The following FRMD3 variants were observed in gnomAD, a reference collection of about 807,000 sequenced individuals.
FRMD3 encodes FERM domain-containing protein 3.
Under a neutral mutation model 70.2 loss-of-function variants are expected in FRMD3, and 33 were observed. The ratio of observed to expected loss-of-function variants is 0.47; its 90% CI spans 0.36 to 0.63. The LOEUF (loss-of-function observed/expected upper bound fraction) is 0.63, where lower values mean the gene tolerates loss of function less well. Ranked by LOEUF, FRMD3 falls within the 20% of genes least tolerant of loss-of-function variation. FRMD3 has a pLI of 0.00. For synonymous variants in FRMD3, 279 were observed against 255.9 expected (o/e 1.09, Z -0.86); for missense variants, 632 against 711.4 (o/e 0.89, Z 1.27).
At chr9:83,306,607 T>TC (rs1329684237) in intron 10 of FRMD3, among the ~76,000 whole-genome samples, 1 of 152,172 alleles carries the variant, frequency 6.6e-6, no homozygotes, top group African/African-American at 2.4e-5. Flanking sequence ...TCTTTTTTTT[T>TC]CATTTCCCCC....
At chr9:83,584,139 T>C in the FRMD3 span, among the ~76,000 whole-genome samples, 3 of 151,858 alleles carry the variant, frequency 2.0e-5, no homozygotes, top group African/African-American at 7.3e-5. Context: ...ATCGAGACCA[T>C]CTTGGCCAAC....
rs1832126505 is a variant in FRMD3, at chr9:83,246,774, C to T, written c.*1144G>A. Reference sequence around the variant, plus strand: ...GATCAAAATATTTACCTTAAAGTTTCTCCACTTTTATTTAGATCCACTTAA... The same window carrying T: ...GATCAAAATATTTACCTTAAAGTTTTTCCACTTTTATTTAGATCCACTTAA... On this transcript the variant is annotated 3_prime_UTR_variant, in exon 14 of 14. Coordinates refer to ENST00000304195, the MANE Select transcript of FRMD3 (RefSeq NM_174938.6). 2.0e-6 allele frequency: 2 copies of T among 985,158 alleles called. No homozygotes were observed. The highest frequency in any genetic ancestry group is 6.2e-5 in the Admixed American group (1 of 16,250). 61.0% of individuals were successfully genotyped at this position (985,158 alleles called of 1,614,324 possible). A position where few individuals can be genotyped will look rare whatever the true frequency, so the allele number is the denominator to read the frequency against.
At chr9:83,495,216 G>A (rs1049947762) in intron 1 of FRMD3, among the ~76,000 whole-genome samples, 1 of 152,136 alleles carries the variant, frequency 6.6e-6, no homozygotes, top group Admixed American at 6.5e-5. Flanking sequence ...GAGGGGAGGA[G>A]GAAATTCAGG....
In FRMD3 at chr9:83,311,922, G is replaced by C. The variant is rs1385961155; in HGVS notation, c.738C>G (p.Val246=). Residue 246 remains valine, a synonymous_variant, in exon 8 of 14, where the codon GTC becomes GTG. Coordinates refer to ENST00000304195, the MANE Select transcript of FRMD3 (RefSeq NM_174938.6). ...AATGGATTCTCTTATTTCCCTGAAA[G>C]ACCACAAAGCCTGCAGCTGTGAATC... ...FLGFTAAGFV[V]FQGNKRIHLI... 2 of 1,607,578 alleles carry C rather than the reference G, an allele frequency of 1.2e-6. No homozygotes were observed. Among genetic ancestry groups the C allele is most frequent in the African/African-American group, 2.7e-5 (2 of 73,670 alleles).
intron 7 of FRMD3, 144 bp from the exon 8 acceptor site, chr9:83,312,119 G>A: frequency 1.5e-6 from 1 of 653,166 alleles, no homozygotes; most frequent in South Asian, 2.1e-5. Flanking sequence ...AAGTTTCTGA[G>A]ATGGAACTTC....
intron 1 of FRMD3, among the ~76,000 whole-genome samples, chr9:83,447,114 C>T (rs1167804156): frequency 6.6e-6 from 1 of 152,268 alleles, no homozygotes; most frequent in Non-Finnish European, 1.5e-5. Context: ...AGCTCTGCCT[C>T]CCTGGTTCAA....
At chr9:83,510,447 C>T (rs1209160154) in intron 1 of FRMD3, among the ~76,000 whole-genome samples, 1 of 152,180 alleles carries the variant, frequency 6.6e-6, no homozygotes, top group Admixed American at 6.5e-5. Flanking sequence ...CATGGTGCAG[C>T]TGCTCTAGAA....
intron 3 of FRMD3, among the ~76,000 whole-genome samples, chr9:83,356,127 G>A (rs763568562): frequency 1.3e-5 from 2 of 152,144 alleles, no homozygotes; most frequent in Non-Finnish European, 2.9e-5. Context: ...GCCCAGAAAT[G>A]GAGTTGATAG....
intron 2 of FRMD3, among the ~76,000 whole-genome samples, chr9:83,375,634 C>A (rs1368744530): frequency 6.6e-6 from 1 of 152,134 alleles, no homozygotes; most frequent in Non-Finnish European, 1.5e-5. Flanking sequence ...ATACCAATAC[C>A]ACATGTTCTC....
intron 1 of FRMD3, among the ~76,000 whole-genome samples, chr9:83,432,554 T>C (rs1827013186): frequency 6.6e-6 from 1 of 152,146 alleles, no homozygotes; most frequent in African/African-American, 2.4e-5. Context: ...CCACAGAAAA[T>C]GTCACCACTG....
At chr9:83,376,591 C>T (rs1003934401) in intron 2 of FRMD3, among the ~76,000 whole-genome samples, 2 of 150,556 alleles carry the variant, frequency 1.3e-5, no homozygotes, top group Non-Finnish European at 3.0e-5. Context: ...ACAGTTCCAA[C>T]ATTAGATTGT....
intron 1 of FRMD3, among the ~76,000 whole-genome samples, chr9:83,527,199 G>A (rs1250580913): frequency 6.6e-6 from 1 of 152,162 alleles, no homozygotes; most frequent in Non-Finnish European, 1.5e-5. Flanking sequence ...TGGCCCAGAG[G>A]GACGAGAAGG....
At chr9:83,302,393 A>G (rs1834961717) in intron 10 of FRMD3, among the ~76,000 whole-genome samples, 1 of 152,166 alleles carries the variant, frequency 6.6e-6, no homozygotes, top group African/African-American at 2.4e-5. Context: ...ACCTGAAAGA[A>G]CAGTGGTCCA....
intron 1 of FRMD3, among the ~76,000 whole-genome samples, chr9:83,519,949 C>T (rs989772323): frequency 1.3e-5 from 2 of 151,884 alleles, no homozygotes; most frequent in African/African-American, 4.8e-5. Flanking sequence ...ACAATGAGAA[C>T]ATATGGGCAC....
chr9:83,336,941 G>A (rs1021921061), intron 5 of FRMD3, among the ~76,000 whole-genome samples: 2 of 152,082 alleles, frequency 1.3e-5, no homozygotes, highest in Non-Finnish European at 2.9e-5. Flanking sequence ...AGAGACCACT[G>A]ACTACAAAGT....
chr9:83,528,141 T>A (rs776556979), intron 1 of FRMD3, among the ~76,000 whole-genome samples: 1 of 152,216 alleles, frequency 6.6e-6, no homozygotes, highest in Non-Finnish European at 1.5e-5. Context: ...TTTTCCATGA[T>A]CAAAAGAAGG....
intron 13 of FRMD3, among the ~76,000 whole-genome samples, chr9:83,252,035 T>C (rs1832452915): frequency 6.6e-6 from 1 of 152,028 alleles, no homozygotes; most frequent in Admixed American, 6.6e-5. Flanking sequence ...CCCCAGTACA[T>C]TACTCCACAA....
the FRMD3 span, among the ~76,000 whole-genome samples, chr9:83,575,262 C>T: frequency 4.6e-5 from 7 of 152,306 alleles, no homozygotes; most frequent in South Asian, 1.2e-3. Flanking sequence ...AACCCAATTT[C>T]GATAATGAAC....
intron 2 of FRMD3, among the ~76,000 whole-genome samples, chr9:83,376,255 T>C (rs1825144563): frequency 6.6e-6 from 1 of 150,524 alleles, no homozygotes; most frequent in African/African-American, 2.4e-5. Context: ...GACAAAGAGG[T>C]ACCCAACAAG....
Sources: allele counts gnomAD v4.1 joint callset (sites outside exome capture counted in the v4.1 genomes callset), GRCh38; gene constraint gnomAD v4.1.1; transcripts MANE v1.5; gene names NCBI Gene and HGNC (gene_info 2026-07-23, HGNC 2026-07-21).